The following KCNN3 variants were observed in gnomAD, a reference collection of about 807,000 sequenced individuals.
The protein encoded by KCNN3 is small conductance calcium-activated potassium channel protein 3.
A neutral mutation model predicts 62.9 loss-of-function variants in KCNN3; 16 were observed. The ratio of observed to expected loss-of-function variants is 0.25; its 90% CI spans 0.17 to 0.39. The LOEUF (loss-of-function observed/expected upper bound fraction) is 0.39. KCNN3 is among the 10% of genes least tolerant of loss of function. The pLI, the probability that KCNN3 is intolerant of heterozygous loss-of-function variation, is 1.00. For synonymous variants in KCNN3, 370 were observed against 389.2 expected (o/e 0.95, Z 0.58); for missense variants, 599 against 949.4 (o/e 0.63, Z 4.85).
intron 1 of KCNN3, among the ~76,000 whole-genome samples, chr1:154,863,077 C>T (rs1334563424): frequency 6.6e-6 from 1 of 152,150 alleles, no homozygotes; most frequent in African/African-American, 2.4e-5. Context: ...GCAAATGGTC[C>T]TTGCCTTCCC....
At chr1:154,815,421 C>T (rs902101022) in intron 2 of KCNN3, among the ~76,000 whole-genome samples, 1 of 152,158 alleles carries the variant, frequency 6.6e-6, no homozygotes, top group Non-Finnish European at 1.5e-5. Flanking sequence ...ATCATCTCCG[C>T]GTGAAACCTG....
chr1:154,779,344 T>C (rs957473326), intron 2 of KCNN3, among the ~76,000 whole-genome samples: 8 of 152,220 alleles, frequency 5.3e-5, no homozygotes, highest in Non-Finnish European at 1.0e-4. Context: ...TTTAGATTCT[T>C]ATGCCACAGC....
At chr1:154,776,222 C>A (rs776410142) in intron 2 of KCNN3, among the ~76,000 whole-genome samples, 1 of 152,196 alleles carries the variant, frequency 6.6e-6, no homozygotes, top group African/African-American at 2.4e-5. Flanking sequence ...TCAGGCCGTG[C>A]GTGACTTCTC....
chr1:154,786,899 C>G (rs1270814084), intron 2 of KCNN3, among the ~76,000 whole-genome samples: 1 of 152,242 alleles, frequency 6.6e-6, no homozygotes, highest in East Asian at 1.9e-4. Context: ...ATGTTTTAAG[C>G]ATGGCCATTC....
At chr1:154,864,111 T>C (rs964186232) in intron 1 of KCNN3, among the ~76,000 whole-genome samples, 10 of 152,326 alleles carry the variant, frequency 6.6e-5, no homozygotes, top group African/African-American at 2.4e-4. Flanking sequence ...AATGTGTGCC[T>C]AGGGCCCTCG....
chr1:154,772,112 G>A lies in KCNN3; in HGVS notation c.1311C>T (p.Ile437=), dbSNP rs374269558. 7 of 1,614,120 alleles carry A rather than the reference G, an allele frequency of 4.3e-6. No homozygotes were observed. The highest frequency in any genetic ancestry group is 1.7e-5 in the Admixed American group (1 of 60,016). Residue 437 remains isoleucine, a synonymous_variant, in exon 3 of 8, where the codon ATC becomes ATT. Transcript: ENST00000271915. This position sits in a 1 kb window ranked among gnomAD's most constrained non-coding sequence, Gnocchi z 5.6. The stretch of plus-strand genomic sequence containing the variant: ...TGAAGTTGATCTTGTTGAGGGCCCC[G>A]ATGCTGCGGGACGAGGCATCGGTGA... ...KLFTDASSRS[I]GALNKINFNT...
At chr1:154,755,150 C>T (rs1379736329) in intron 3 of KCNN3, among the ~76,000 whole-genome samples, 21 of 152,122 alleles carry the variant, frequency 1.4e-4, no homozygotes, top group Admixed American at 1.4e-3. Flanking sequence ...TTAGAAGCAA[C>T]CATATTGTAT....
intron 3 of KCNN3, among the ~76,000 whole-genome samples, chr1:154,760,122 C>T (rs926431802): frequency 6.6e-6 from 1 of 151,998 alleles, no homozygotes; most frequent in Non-Finnish European, 1.5e-5. Flanking sequence ...AAGCGATTCT[C>T]CTGCCTCAGT....
At chr1:154,796,125 G>A (rs946187272) in intron 2 of KCNN3, among the ~76,000 whole-genome samples, 1 of 152,216 alleles carries the variant, frequency 6.6e-6, no homozygotes, top group African/African-American at 2.4e-5. Flanking sequence ...CTGGTGTTGG[G>A]GGATGAGTGG....
intron 1 of KCNN3, among the ~76,000 whole-genome samples, chr1:154,824,971 C>T (rs962405105): frequency 3.3e-5 from 5 of 152,190 alleles, no homozygotes; most frequent in African/African-American, 9.7e-5. Context: ...CATTCTCCAT[C>T]GCATGTCAAT....
intron 2 of KCNN3, among the ~76,000 whole-genome samples, chr1:154,792,212 G>T (rs772654114): frequency 6.6e-6 from 1 of 152,190 alleles, no homozygotes; most frequent in Non-Finnish European, 1.5e-5. Flanking sequence ...AGCATCCTGG[G>T]GTGGTTTATT....
chr1:154,714,904 G>C lies in KCNN3; in HGVS notation c.1801C>G (p.Gln601Glu). The change falls in exon 6 of 8, where the codon CAG (glutamine) becomes GAG (glutamate). Residue 601 changes from glutamine to glutamate, a missense_variant. Coordinates refer to ENST00000271915, the MANE Select transcript of KCNN3 (RefSeq NM_002249.6). ...KIDHAKVRKHQRKFLQAIHQL... is the reference protein window; with the variant it reads ...KIDHAKVRKHERKFLQAIHQL... ...TGGATAGCTTGGAGGAACTTCCTCTGGTGTTTCCTCACTTTGGCATGGTCA... is the reference window on the plus strand; with the variant it reads ...TGGATAGCTTGGAGGAACTTCCTCTCGTGTTTCCTCACTTTGGCATGGTCA... 6.2e-7 allele frequency: 1 copy of C among 1,613,572 alleles called. No individual in the cohort carries two copies. Among genetic ancestry groups the C allele is most frequent in the Non-Finnish European group, 8.5e-7 (1 of 1,179,710 alleles).
intron 2 of KCNN3, among the ~76,000 whole-genome samples, chr1:154,786,375 T>A (rs566384277): frequency 1.3e-5 from 2 of 152,310 alleles, no homozygotes; most frequent in Non-Finnish European, 1.5e-5. Context: ...TATAATTTTT[T>A]AAAAAACCCT....
chr1:154,829,653 G>A (rs1034565217), intron 1 of KCNN3, among the ~76,000 whole-genome samples: 2 of 152,176 alleles, frequency 1.3e-5, no homozygotes, highest in Middle Eastern at 3.2e-3. Flanking sequence ...TGCGGGGTCT[G>A]ACCTAGACCC....
Position 154,755,483 on chromosome 1 carries a change from G to GAAAGAAAGAAA in KCNN3, c.1448+16491_1448+16492insTTTCTTTCTTT, listed in dbSNP as rs1310142371. On this transcript the variant is annotated intron_variant, in intron 3 of 7. Coordinates refer to ENST00000271915, the MANE Select transcript of KCNN3 (RefSeq NM_002249.6). ...GACAAGAAAGAAAGGAAGAAAGGAAGGAAGAAAGGGAGAAAGAAAGGAAGA... is the reference window on the plus strand; with the variant it reads ...GACAAGAAAGAAAGGAAGAAAGGAAGAAAGAAAGAAAGAAGAAAGGGAGAAAGAAAGGAAGA... Among the ~76,000 whole-genome samples the GAAAGAAAGAAA allele has an allele frequency of 5.8e-4, 76 of 130,568 alleles. No individual in the cohort carries two copies. The East Asian group carries it at 0.014, about 25-fold the overall frequency. The allele number at this position is 130,568 out of a possible 152,430, so 85.7% of individuals were successfully genotyped here. A position where few individuals can be genotyped will look rare whatever the true frequency, so the allele number is the denominator to read the frequency against.
intron 1 of KCNN3, among the ~76,000 whole-genome samples, chr1:154,852,840 G>A (rs1002833566): frequency 3.3e-5 from 5 of 152,250 alleles, no homozygotes; most frequent in South Asian, 4.1e-4. Context: ...GGACAGTGCT[G>A]TCTACAACAC....
At chr1:154,858,478 C>CCTGTG (rs2101931081) in intron 1 of KCNN3, among the ~76,000 whole-genome samples, 1 of 152,338 alleles carries the variant, frequency 6.6e-6, no homozygotes, top group African/African-American at 2.4e-5. Flanking sequence ...ATGGGGAAAG[C>CCTGTG]CTGTGCTCTC....
intron 1 of KCNN3, chr1:154,867,855 G>A (rs1182218187): frequency 3.0e-6 from 2 of 661,302 alleles, no homozygotes; most frequent in East Asian, 2.8e-4. Context: ...TGGGGGTATC[G>A]TGGAGCCACT....
chr1:154,861,741 T>C (rs963895027), intron 1 of KCNN3, among the ~76,000 whole-genome samples: 5 of 152,234 alleles, frequency 3.3e-5, no homozygotes, highest in Admixed American at 6.5e-5. Context: ...GGGTGCTGTC[T>C]GACACCCCTA....
Sources: gnomAD v4.1 joint callset for allele counts (sites outside exome capture counted in the v4.1 genomes callset) on GRCh38, gnomAD v4.1.1 for gene constraint, Gnocchi (gnomAD v3.1) non-coding constraint, MANE v1.5 for transcripts, NCBI Gene and HGNC (gene_info 2026-07-23, HGNC 2026-07-21) for gene names.